The following EPHA8 variants were observed in gnomAD, a reference collection of about 807,000 sequenced individuals.
EPHA8 encodes the protein EPH receptor A8.
A neutral mutation model predicts 103.6 loss-of-function variants in EPHA8; 58 were observed. The ratio of observed to expected loss-of-function variants is 0.56; its 90% CI spans 0.45 to 0.70. The LOEUF is 0.70. Among genes scored for constraint, EPHA8 ranks in the 30% least tolerant of loss-of-function variants. EPHA8 has a pLI of 0.00. For missense variants in EPHA8, 1,304 were observed against 1,395.2 expected (o/e 0.93, Z 1.04); for synonymous variants, 559 against 572.5 (o/e 0.98, Z 0.34).
intron 1 of EPHA8, among the ~76,000 whole-genome samples, chr1:22,565,585 C>T (rs1176241502): frequency 1.3e-5 from 2 of 152,182 alleles, no homozygotes; most frequent in Non-Finnish European, 2.9e-5. Flanking sequence ...CCCCCAACCC[C>T]CTGCCTCAAC....
intron 4 of EPHA8, among the ~76,000 whole-genome samples, 181 bp downstream of exon 4, chr1:22,586,816 G>A (rs1024160414): frequency 1.7e-4 from 26 of 152,172 alleles, no homozygotes; most frequent in African/African-American, 5.8e-4. Flanking sequence ...CGGTGGCCTA[G>A]ACCTCTCTGG....
intron 3 of EPHA8, among the ~76,000 whole-genome samples, chr1:22,577,871 GTGGGCCTGTGTT>G: frequency 9.0e-6 from 1 of 110,700 alleles, no homozygotes; most frequent in Admixed American, 9.0e-5. Flanking sequence ...TATGCATTGT[GTGGGCCTGTGTT>G]CATGAGTGTG....
At chr1:22,586,749 T>G (rs999895083) in intron 4 of EPHA8, 114 bp downstream of exon 4, 44 of 1,312,652 alleles carry the variant, frequency 3.4e-5, no homozygotes, top group African/African-American at 7.8e-5. Flanking sequence ...CAGGGGCGGG[T>G]GGCTCTCTTG....
At position 22,576,029 on chromosome 1, in the gene EPHA8, A is replaced by G. The variant is rs1640679282; in HGVS notation, c.160-188A>G. On this transcript the variant is annotated intron_variant, in intron 2 of 16. Coordinates refer to ENST00000166244, the MANE Select transcript of EPHA8 (RefSeq NM_020526.5). This position sits in a 1 kb window ranked among gnomAD's most constrained non-coding sequence, Gnocchi z 4.8. ...CTCATCTCAAGAGTTAGTAAATAACACTTCCCCTGAAGATCGTGGCCCTCT... is the reference window on the plus strand; with the variant it reads ...CTCATCTCAAGAGTTAGTAAATAACGCTTCCCCTGAAGATCGTGGCCCTCT... 6.6e-6 allele frequency among the ~76,000 whole-genome samples: 1 copy of G among 151,432 alleles called. No individual in the cohort carries two copies. Among genetic ancestry groups the G allele is most frequent in the South Asian group, 2.1e-4 (1 of 4,778 alleles).
chr1:22,570,705 C>T (rs1640520121), intron 2 of EPHA8, among the ~76,000 whole-genome samples: 6 of 152,252 alleles, frequency 3.9e-5, no homozygotes, highest in Admixed American at 3.9e-4. Flanking sequence ...GCACCGGGCT[C>T]CCGGGAGCTG....
At chr1:22,600,059 AG>A (rs1190296272) in intron 13 of EPHA8, among the ~76,000 whole-genome samples, 60 of 81,186 alleles carry the variant, frequency 7.4e-4, no homozygotes, top group African/African-American at 2.2e-3. Context: ...GGAGGAAGGA[AG>A]GGGGGATGGA....
chr1:22,601,846 CCCT>C lies in EPHA8; in HGVS notation c.*110_*112del. 1 of 1,099,260 alleles carries C rather than the reference CCCT, an allele frequency of 9.1e-7. No homozygotes were observed. Among genetic ancestry groups the C allele is most frequent in the Non-Finnish European group, 1.3e-6 (1 of 763,974 alleles). 68.1% of individuals were successfully genotyped at this position (1,099,260 alleles called of 1,614,324 possible). ...CAGGCAGGGCGGCCCCAGGCCTCTG[CCCT>C]CCTCTCAGGTGCTGGAGGAGCTGAA... On this transcript the variant is annotated 3_prime_UTR_variant, in exon 17 of 17. Transcript: ENST00000166244.
chr1:22,589,252 C>T lies in EPHA8; in HGVS notation c.1315+46C>T. On this transcript the variant is annotated intron_variant, in intron 5 of 16. Coordinates refer to ENST00000166244, the MANE Select transcript of EPHA8 (RefSeq NM_020526.5). This position sits in a 1 kb window ranked among gnomAD's most constrained non-coding sequence, Gnocchi z 4.3. Reference sequence around the variant, plus strand: ...CCGCAGCGTCCTGGTCCCCCAGCTTCCCCTGCCTCAGACCCATCCAGGGAT... The same window carrying T: ...CCGCAGCGTCCTGGTCCCCCAGCTTTCCCTGCCTCAGACCCATCCAGGGAT... 1 of 1,614,062 alleles carries T rather than the reference C, an allele frequency of 6.2e-7. No homozygotes were observed. The highest frequency in any genetic ancestry group is 8.5e-7 in the Non-Finnish European group (1 of 1,180,018).
In EPHA8 at chr1:22,601,017, C is replaced by G. The variant is rs766993640; in HGVS notation, c.2658C>G (p.Ser886=). 6.2e-6 allele frequency: 10 copies of G among 1,612,800 alleles called. No homozygotes were observed. In the South Asian group the frequency reaches 1.1e-4, roughly 18 times the overall value. Residue 886 remains serine (S), a synonymous_variant, in exon 15 of 17, where the codon TCC becomes TCG. Coordinates refer to ENST00000166244, the MANE Select transcript of EPHA8 (RefSeq NM_020526.5). ...ACCGGGCGCAGCGGCCTCGCTTCTC[C>G]CAGATTGTCAGTGTCCTCGATGCGC... is the stretch of plus-strand genomic sequence containing the variant. ...HKDRAQRPRF[S]QIVSVLDALI...
rs1408592467 is a variant in EPHA8 at position 22,576,407 on chromosome 1, C to T, written c.350C>T (p.Thr117Ile). The part of the protein sequence containing the change: ...DCNSMPGVLG[T>I]CKETFNLYYL... ...AACAGCATGCCTGGTGTGCTGGGCA[C>T]CTGCAAGGAGACCTTCAACCTCTAC... The change falls in exon 3 of 17, where the codon ACC (threonine) becomes ATC (isoleucine). Residue 117 changes from threonine (T) to isoleucine (I), a missense_variant. Coordinates refer to ENST00000166244, the MANE Select transcript of EPHA8 (RefSeq NM_020526.5). The surrounding 1 kb of genome is among the most constrained non-coding windows in gnomAD (Gnocchi z 4.8). 6.2e-7 allele frequency: 1 copy of T among 1,613,924 alleles called. No homozygotes were observed. Among genetic ancestry groups the T allele is most frequent in the South Asian group, 1.1e-5 (1 of 91,084 alleles).
rs199607831 is a variant in EPHA8 at position 22,593,457 on chromosome 1, C to T, written c.1440+7C>T. ...GATCAAGTACTACGAGAAGGTACCA[C>T]GGGCAGGACGGAGTGGGAGGGGCTG... is the stretch of plus-strand genomic sequence containing the variant. On this transcript the variant is annotated splice_region_variant and intron_variant, in intron 6 of 16. Coordinates refer to ENST00000166244, the MANE Select transcript of EPHA8 (RefSeq NM_020526.5). The T allele has an allele frequency of 6.4e-5, 103 of 1,610,202 alleles. No homozygotes were observed. Among genetic ancestry groups the T allele is most frequent in the Non-Finnish European group, 7.8e-5 (92 of 1,177,918 alleles).
intron 6 of EPHA8, 30 bp from the exon 7 acceptor site, chr1:22,593,494 C>T (rs780831697): frequency 9.9e-6 from 16 of 1,610,094 alleles, no homozygotes; most frequent in African/African-American, 1.3e-5. Flanking sequence ...GCCAGCAGGG[C>T]AGGGCCCACT....
At chr1:22,591,266 C>G (rs1641365197) in intron 5 of EPHA8, among the ~76,000 whole-genome samples, 1 of 152,104 alleles carries the variant, frequency 6.6e-6, no homozygotes, top group Non-Finnish European at 1.5e-5. Context: ...TATCTGTCAC[C>G]CATGCTGGAG....
At position 22,563,650 on chromosome 1, in the gene EPHA8, G is replaced by A. The variant is rs1222598951; in HGVS notation, c.15G>A (p.Arg5=). Residue 5 remains arginine, a synonymous_variant, in exon 1 of 17, where the codon CGG becomes CGA. Transcript: ENST00000166244. The surrounding 1 kb of genome is among the most constrained non-coding windows in gnomAD (Gnocchi z 4.4). MAPA[R]GRLPPALWVV... Reference sequence around the variant, plus strand: ...CCGGCCCGGCCATGGCCCCCGCCCGGGGCCGCCTGCCCCCTGCGCTCTGGG... The same window carrying A: ...CCGGCCCGGCCATGGCCCCCGCCCGAGGCCGCCTGCCCCCTGCGCTCTGGG... 8.2e-5 allele frequency: 12 copies of A among 146,714 alleles called. No homozygotes were observed. Among genetic ancestry groups the A allele is most frequent in the Admixed American group, 3.4e-4 (5 of 14,714 alleles). The allele number at this position is 146,714 out of a possible 1,614,324, so 9.1% of individuals were successfully genotyped here.
chr1:22,578,080 T>TGTGCATGTAGCGTCA (rs1553145625), intron 3 of EPHA8, among the ~76,000 whole-genome samples: 1 of 81,868 alleles, frequency 1.2e-5, no homozygotes, highest in African/African-American at 4.6e-5. Flanking sequence ...TATGTATGCA[T>TGTGCATGTAGCGTCA]GTGTGTGCAT....
rs1303892334 is a variant in EPHA8, at chr1:22,593,639, G to T, written c.1556G>T (p.Gly519Val). 1.9e-6 allele frequency: 3 copies of T among 1,606,898 alleles called. No individual in the cohort carries two copies. Among genetic ancestry groups the T allele is most frequent in the South Asian group, 2.2e-5 (2 of 89,940 alleles). ...VFQVRARTSA[G>V]CGRFSQAMEV... ...CAGGTCCGAGCCCGCACCTCAGCAGGCTGTGGCCGCTTCAGCCAGGCCATG... is the reference window on the plus strand; with the variant it reads ...CAGGTCCGAGCCCGCACCTCAGCAGTCTGTGGCCGCTTCAGCCAGGCCATG... The change falls in exon 7 of 17, where the codon GGC (glycine) becomes GTC (valine). Residue 519 changes from glycine (G) to valine (V), a missense_variant. Physicochemically the swap from Gly to Val is moderately radical, Grantham distance 109 (BLOSUM62 -3). Transcript: ENST00000166244.
Position 22,593,352 on chromosome 1 carries a change from C to G in EPHA8, c.1342C>G (p.Gln448Glu). The change falls in exon 6 of 17, where the codon CAA (glutamine) becomes GAA (glutamate). Residue 448 changes from glutamine (Q) to glutamate (E), a missense_variant. Transcript: ENST00000166244. ...CCCGTCCCAGGTGGTGGTGATCCGT[C>G]AAGAGCGGGCGGGGCAGACCAGCGT... ...AAPSQVVVIRQERAGQTSVSL... is the reference protein window; with the variant it reads ...AAPSQVVVIREERAGQTSVSL... 6.3e-7 allele frequency: 1 copy of G among 1,579,734 alleles called. No individual in the cohort carries two copies.
intron 3 of EPHA8, among the ~76,000 whole-genome samples, chr1:22,578,176 ATG>A (rs1491178207): frequency 2.7e-4 from 12 of 44,130 alleles, no homozygotes; most frequent in African/African-American, 6.4e-4. Flanking sequence ...GTATGTGTGC[ATG>A]TGTGTGCGTG....
chr1:22,590,059 C>G (rs1219968337), intron 5 of EPHA8, among the ~76,000 whole-genome samples: 1 of 152,246 alleles, frequency 6.6e-6, no homozygotes, highest in Non-Finnish European at 1.5e-5. Flanking sequence ...CACTCTGAAT[C>G]TAGGGCATGC....
Sources: allele counts gnomAD v4.1 joint callset (sites outside exome capture counted in the v4.1 genomes callset), GRCh38; gene constraint gnomAD v4.1.1; non-coding constraint Gnocchi (gnomAD v3.1); transcripts MANE v1.5; gene names NCBI Gene and HGNC (gene_info 2026-07-23, HGNC 2026-07-21).